The following CLEC2A variants were observed in gnomAD, a reference collection of about 807,000 sequenced individuals.
CLEC2A encodes the protein C-type lectin domain family 2 member A, also known as keratinocyte-associated C-type lectin.
Under a neutral mutation model 18.6 loss-of-function variants are expected in CLEC2A, and 19 were observed. The ratio of observed to expected loss-of-function variants is 1.02; its 90% confidence interval spans 0.71 to 1.50. The LOEUF (loss-of-function observed/expected upper bound fraction) is 1.50. Among genes scored for constraint, CLEC2A ranks in the 40% most tolerant of loss-of-function variants. The pLI is 0.00. For missense variants in CLEC2A, 190 were observed against 207.9 expected (o/e 0.91, Z 0.53); for synonymous variants, 74 against 64.0 (o/e 1.16, Z -0.75).
intron 1 of CLEC2A, among the ~76,000 whole-genome samples, chr12:9,931,514 A>G (rs1171687142): frequency 6.6e-6 from 1 of 152,200 alleles, no homozygotes. Flanking sequence ...ATCGTATGGT[A>G]GATGAAAAGT....
At chr12:9,913,194 T>C, downstream of CLEC2A, 1 of 263,812 alleles carries the variant, frequency 3.8e-6, no homozygotes, top group Non-Finnish European at 6.0e-6. Context: ...TATGTATAAC[T>C]CATAATTTAT....
At chr12:9,902,871 T>C (rs145555275) in intron 4 of CLEC2A, among the ~76,000 whole-genome samples, 229 of 152,266 alleles carry the variant, frequency 1.5e-3, no homozygotes, top group African/African-American at 5.4e-3. Context: ...ACAACCTAAA[T>C]TAGTCCCAGT....
At chr12:9,930,004 G>A (rs933646653) in intron 1 of CLEC2A, among the ~76,000 whole-genome samples, 6 of 151,702 alleles carry the variant, frequency 4.0e-5, no homozygotes, top group South Asian at 2.1e-4. Flanking sequence ...TAGGCCTGCC[G>A]TAACAAGTTG....
At chr12:9,906,039 T>C (rs78352631) in intron 4 of CLEC2A, among the ~76,000 whole-genome samples, 1 of 151,370 alleles carries the variant, frequency 6.6e-6, no homozygotes, top group Non-Finnish European at 1.5e-5. Flanking sequence ...TTTTTTTTTT[T>C]ACATATTAGA....
intron 4 of CLEC2A, among the ~76,000 whole-genome samples, chr12:9,906,025 G>GTT (rs57802045): frequency 0.19 from 28,024 of 146,446 alleles, 3,080 homozygotes; most frequent in South Asian, 0.35. Context: ...TATTAGTTTT[G>GTT]TTTTTTTTTT....
intron 4 of CLEC2A, among the ~76,000 whole-genome samples, chr12:9,904,413 A>G (rs147703573): frequency 1.5e-3 from 225 of 152,344 alleles, no homozygotes; most frequent in African/African-American, 5.3e-3. Context: ...TTTAGACTGC[A>G]GATGGAATAT....
chr12:9,922,578 C>T (rs1206734169), intron 2 of CLEC2A, among the ~76,000 whole-genome samples: 4 of 152,236 alleles, frequency 2.6e-5, no homozygotes, highest in South Asian at 2.1e-4. Context: ...ATTTAGGTTT[C>T]GAGGTTAGGG....
rs1190323012 is a variant in CLEC2A at position 9,932,257 on chromosome 12, TC to T, written c.55+17del. The T allele has an allele frequency of 6.6e-7, 1 of 1,513,366 alleles. No homozygotes were observed. Among genetic ancestry groups the T allele is most frequent in the Non-Finnish European group, 9.0e-7 (1 of 1,111,982 alleles). 93.7% of individuals were successfully genotyped at this position (1,513,366 alleles called of 1,614,324 possible). A position where few individuals can be genotyped will look rare whatever the true frequency, so the allele number is the denominator to read the frequency against. ...TATCTTTCCTTTACTTCCTTCTCAT[TC>T]ACTCTATAAAACTTACCTATCCGAT... On this transcript the variant is annotated intron_variant, in intron 1 of 4. Transcript: ENST00000455827.
chr12:9,884,626 C>G, the CLEC2A span, among the ~76,000 whole-genome samples: 1 of 148,196 alleles, frequency 6.7e-6, no homozygotes, highest in African/African-American at 2.5e-5. Flanking sequence ...TATGTTATAA[C>G]AAATATTTAT....
intron 1 of CLEC2A, among the ~76,000 whole-genome samples, chr12:9,927,833 G>GTTT (rs573411594): frequency 6.9e-6 from 1 of 145,888 alleles, no homozygotes; most frequent in Non-Finnish European, 1.5e-5. Flanking sequence ...CATAAAATGT[G>GTTT]TTTTTTTTTT....
chr12:9,921,802 A>C (rs1336925777), intron 3 of CLEC2A, among the ~76,000 whole-genome samples: 3 of 152,196 alleles, frequency 2.0e-5, no homozygotes, highest in African/African-American at 7.2e-5. Context: ...TTTACTATTC[A>C]TTAAGTGGAA....
intron 4 of CLEC2A, among the ~76,000 whole-genome samples, chr12:9,905,655 T>C (rs1386764816): frequency 6.6e-6 from 1 of 152,168 alleles, no homozygotes; most frequent in Admixed American, 6.5e-5. Flanking sequence ...CGGAGTCTGG[T>C]TCATTCTTTC....
At chr12:9,895,550 A>C (rs1251558168), downstream of CLEC2A, 3 of 686,188 alleles carry the variant, frequency 4.4e-6, no homozygotes, top group African/African-American at 1.8e-5. Context: ...CTGCATTAGC[A>C]ATGAAAATTC....
chr12:9,883,187 T>C, the CLEC2A span, among the ~76,000 whole-genome samples: 1 of 152,220 alleles, frequency 6.6e-6, no homozygotes, highest in Admixed American at 6.5e-5. Flanking sequence ...TCACATTGTG[T>C]ATAAGATAAA....
the CLEC2A span, among the ~76,000 whole-genome samples, chr12:9,882,393 T>C: frequency 6.6e-6 from 1 of 152,194 alleles, no homozygotes; most frequent in African/African-American, 2.4e-5. Context: ...GACTCAGATC[T>C]TTTTTGTGTT....
chr12:9,912,049 T>TG (rs1235786691), downstream of CLEC2A, among the ~76,000 whole-genome samples: 1 of 151,976 alleles, frequency 6.6e-6, no homozygotes, highest in Non-Finnish European at 1.5e-5. Context: ...CAGTGATAGT[T>TG]GGGGGGCCTG....
the CLEC2A span, chr12:9,881,688 C>T: frequency 6.7e-7 from 1 of 1,496,272 alleles, no homozygotes; most frequent in Non-Finnish European, 9.0e-7. Flanking sequence ...CTCCCCATCA[C>T]CGCATTTAAA....
Position 9,913,420 on chromosome 12 carries a change from C to A in CLEC2A, c.*146G>T, listed in dbSNP as rs1863017365. The A allele has an allele frequency of 7.3e-7, 1 of 1,369,394 alleles. No individual in the cohort carries two copies. Among genetic ancestry groups the A allele is most frequent in the Non-Finnish European group, 9.5e-7 (1 of 1,048,048 alleles). The allele number at this position is 1,369,394 out of a possible 1,614,324, so 84.8% of individuals were successfully genotyped here. On this transcript the variant is annotated 3_prime_UTR_variant, in exon 5 of 5. Transcript: ENST00000455827. ...TCTCTTTAACCATGGCAGGGCACAG[C>A]AAGAAGTTTCCATCTATAAACTAGA...
chr12:9,898,649 T>C (rs906385394), downstream of CLEC2A: 9 of 431,718 alleles, frequency 2.1e-5, no homozygotes, highest in South Asian at 1.2e-4. Context: ...ATGTCCACTA[T>C]GTAAATGAGG....
Sources: allele counts gnomAD v4.1 joint callset (sites outside exome capture counted in the v4.1 genomes callset), GRCh38; gene constraint gnomAD v4.1.1; transcripts MANE v1.5; gene names NCBI Gene and HGNC (gene_info 2026-07-23, HGNC 2026-07-21).